CTNNA3: variants seen among roughly 807,000 people sequenced by gnomAD.
CTNNA3 encodes catenin alpha 3.
A neutral mutation model predicts 95.7 loss-of-function variants in CTNNA3; 76 were observed. That is an observed-to-expected ratio of 0.79 (90% confidence interval 0.66 to 0.96). CTNNA3 has a LOEUF of 0.96. Among genes scored for constraint, CTNNA3 ranks in the 40% least tolerant of loss-of-function variants. The pLI is 0.00. For synonymous variants in CTNNA3, 431 were observed against 374.4 expected, an observed-to-expected ratio of 1.15 and a Z score of -1.74; for missense variants, 1,191 against 1,089.8, an observed-to-expected ratio of 1.09 and a Z score of -1.31.
chr10:67,125,379 C>G (rs1005330251), intron 7 of CTNNA3, among the ~76,000 whole-genome samples: 2 of 151,906 alleles, frequency 1.3e-5, no homozygotes, highest in African/African-American at 2.4e-5. Flanking sequence ...ATACGTTATT[C>G]CCCCAAATCT....
chr10:65,966,628 TCTC>T lies in CTNNA3; in HGVS notation c.2381_2383del (p.Gly794del). The T allele has an allele frequency of 6.2e-7, 1 of 1,613,666 alleles. No homozygotes were observed. The highest frequency in any genetic ancestry group is 1.1e-5 in the South Asian group (1 of 91,020). ...AGTACTCACAGCTGACATGATGAGC[TCTC>T]CTCCCAGGTTCTGGATCTCAGCTTT... On this transcript the variant is annotated inframe_deletion, in exon 17 of 18. Transcript: ENST00000433211.
intron 7 of CTNNA3, among the ~76,000 whole-genome samples, chr10:66,946,212 A>T (rs1848267085): frequency 6.6e-6 from 1 of 152,182 alleles, no homozygotes; most frequent in Non-Finnish European, 1.5e-5. Context: ...TGGATAATTA[A>T]TTCTGTGAGA....
At chr10:66,389,135 T>A (rs2092916124) in intron 11 of CTNNA3, among the ~76,000 whole-genome samples, 1 of 152,160 alleles carries the variant, frequency 6.6e-6, no homozygotes, top group Non-Finnish European at 1.5e-5. Context: ...TACTGTTGAA[T>A]CTCTTTAGAC....
At chr10:66,020,413 T>C (rs1436505190) in intron 15 of CTNNA3, among the ~76,000 whole-genome samples, 5 of 152,108 alleles carry the variant, frequency 3.3e-5, no homozygotes, top group South Asian at 2.1e-4. Flanking sequence ...GGACAAAAAG[T>C]TGGAGAGTAG....
chr10:65,950,252 T>C (rs559765883), intron 17 of CTNNA3, among the ~76,000 whole-genome samples: 114 of 152,300 alleles, frequency 7.5e-4, no homozygotes, highest in African/African-American at 2.6e-3. Context: ...AAATTCAGCA[T>C]GAGTCAGACT....
chr10:66,068,229 C>A (rs1235398097), intron 15 of CTNNA3, among the ~76,000 whole-genome samples: 2 of 151,898 alleles, frequency 1.3e-5, no homozygotes, highest in Admixed American at 6.6e-5. Context: ...AATAATATAA[C>A]CATATTCTTT....
chr10:66,909,397 C>T (rs1027335111), intron 7 of CTNNA3, among the ~76,000 whole-genome samples: 12 of 152,094 alleles, frequency 7.9e-5, no homozygotes, highest in Non-Finnish European at 1.3e-4. Flanking sequence ...GTAATCCCAT[C>T]TACTCAGGAG....
intron 10 of CTNNA3, among the ~76,000 whole-genome samples, chr10:66,552,635 C>T (rs1029012665): frequency 6.7e-6 from 1 of 149,732 alleles, no homozygotes; most frequent in African/African-American, 2.5e-5. Context: ...TTCTAGACTC[C>T]GATATTTTGT....
intron 7 of CTNNA3, among the ~76,000 whole-genome samples, chr10:66,778,279 T>C (rs904866446): frequency 1.3e-5 from 2 of 152,182 alleles, no homozygotes; most frequent in South Asian, 2.1e-4. Flanking sequence ...TTATTCCTTT[T>C]GCATAGCATA....
intron 5 of CTNNA3, among the ~76,000 whole-genome samples, chr10:67,392,420 A>G (rs1447255351): frequency 3.9e-5 from 6 of 152,232 alleles, no homozygotes; most frequent in South Asian, 4.1e-4. Flanking sequence ...GTGCTGGAGA[A>G]GATGTGGAGA....
chr10:67,037,470 T>C (rs909113770), intron 7 of CTNNA3, among the ~76,000 whole-genome samples: 5 of 152,294 alleles, frequency 3.3e-5, no homozygotes, highest in African/African-American at 9.6e-5. Context: ...ATTTCTTTTC[T>C]TTAGCTTTTA....
In CTNNA3 at chr10:67,079,085, T is replaced by C. The variant is rs1374979290; in HGVS notation, c.1047+101232A>G. Among the ~76,000 whole-genome samples the C allele has an allele frequency of 2.0e-5, 3 of 152,178 alleles. 1 individual carries two copies. Among genetic ancestry groups the C allele is most frequent in the South Asian group, 4.1e-4 (2 of 4,834 alleles). On this transcript the variant is annotated intron_variant, in intron 7 of 17. Coordinates refer to ENST00000433211, the MANE Select transcript of CTNNA3 (RefSeq NM_013266.4). Reference sequence around the variant, plus strand: ...TTCAAGCCACCAATAATTCATAATATCTGGGAGGACCAGGAATAATCCATA... The same window carrying C: ...TTCAAGCCACCAATAATTCATAATACCTGGGAGGACCAGGAATAATCCATA...
chr10:66,380,406 T>C (rs535523046), intron 11 of CTNNA3, among the ~76,000 whole-genome samples: 21 of 152,108 alleles, frequency 1.4e-4, no homozygotes, highest in African/African-American at 4.6e-4. Context: ...GGCCAGAAGT[T>C]CAAGACCAGC....
rs144216001 is a variant in CTNNA3 at position 66,432,253 on chromosome 10, C to A, written c.1532-52901G>T. On this transcript the variant is annotated intron_variant, in intron 11 of 17. Coordinates refer to ENST00000433211, the MANE Select transcript of CTNNA3 (RefSeq NM_013266.4). ...AAATTGTATCAAAAGCTAACCTACT[C>A]ATCCAGAAGAAAGCCACAATTAAAT... is the stretch of plus-strand genomic sequence containing the variant. Among the ~76,000 whole-genome samples the A allele has an allele frequency of 3.3e-3, 506 of 152,234 alleles. 1 individual carries two copies. Among genetic ancestry groups the A allele is most frequent in the African/African-American group, 0.012 (485 of 41,556 alleles).
intron 5 of CTNNA3, among the ~76,000 whole-genome samples, chr10:67,390,809 T>C (rs1250553782): frequency 2.0e-5 from 3 of 148,126 alleles, no homozygotes; most frequent in Non-Finnish European, 4.5e-5. Flanking sequence ...AAAAACCACA[T>C]GATTATCTCA....
chr10:66,536,144 A>AGC (rs1356832562), intron 10 of CTNNA3, among the ~76,000 whole-genome samples: 1 of 151,036 alleles, frequency 6.6e-6, no homozygotes, highest in Admixed American at 6.6e-5. Flanking sequence ...CATGAGAGAG[A>AGC]GAGAGAGAGA....
chr10:66,574,694 T>C (rs1842957757), intron 10 of CTNNA3, among the ~76,000 whole-genome samples: 1 of 152,102 alleles, frequency 6.6e-6, no homozygotes. Context: ...ACAAAACACT[T>C]AGGAAATATA....
intron 5 of CTNNA3, among the ~76,000 whole-genome samples, chr10:67,401,248 G>T (rs1057485854): frequency 6.6e-6 from 1 of 152,066 alleles, no homozygotes; most frequent in African/African-American, 2.4e-5. Flanking sequence ...ATAAATTTCT[G>T]CTCTTTAAAA....
chr10:67,329,530 C>T (rs1233788741), intron 5 of CTNNA3, among the ~76,000 whole-genome samples: 2 of 152,060 alleles, frequency 1.3e-5, no homozygotes, highest in Non-Finnish European at 2.9e-5. Flanking sequence ...AAAAGGAAAA[C>T]CACTCAGGCC....
Sources: gnomAD v4.1 joint callset for allele counts (sites outside exome capture counted in the v4.1 genomes callset) on GRCh38, gnomAD v4.1.1 for gene constraint, MANE v1.5 for transcripts, NCBI Gene and HGNC (gene_info 2026-07-23, HGNC 2026-07-21) for gene names.